VWA8: variants seen among roughly 807,000 people sequenced by gnomAD.
The protein encoded by VWA8 is von Willebrand factor A domain containing 8.
In VWA8, 221 loss-of-function variants were observed where a neutral mutation model predicts 241.5. The observed-to-expected ratio is 0.91, with a 90% confidence interval of 0.82 to 1.02. VWA8 has a LOEUF of 1.02. VWA8 is among the 50% of genes least tolerant of loss of function. The pLI is 0.00. For missense variants in VWA8, 2,322 were observed against 2,328.7 expected (o/e 1.00, Z 0.06); for synonymous variants, 852 against 827.1 (o/e 1.03, Z -0.52).
intron 12 of VWA8, chr13:41,865,266 AG>A (rs1226074873): frequency 1.1e-5 from 4 of 360,188 alleles, no homozygotes; most frequent in South Asian, 2.1e-5. Context: ...TTTAAAAATT[AG>A]GGTAATTAAG....
chr13:41,590,859 AT>A, intron 40 of VWA8, 94 bp from the exon 41 acceptor site: 1 of 1,499,266 alleles, frequency 6.7e-7, no homozygotes, highest in East Asian at 2.3e-5. Flanking sequence ...CACACCTGGG[AT>A]CTTTTCAGTA....
intron 26 of VWA8, among the ~76,000 whole-genome samples, chr13:41,706,291 T>C (rs917553075): frequency 8.5e-5 from 13 of 152,208 alleles, no homozygotes; most frequent in African/African-American, 2.7e-4. Flanking sequence ...GGCTGTTTGG[T>C]TGGCAGGGTA....
At chr13:41,926,901 G>A (rs1876872154) in intron 2 of VWA8, 2 of 573,544 alleles carry the variant, frequency 3.5e-6, no homozygotes, top group Admixed American at 1.9e-5. Context: ...TTGGACCACA[G>A]CCAGGCTCCT....
intron 32 of VWA8, among the ~76,000 whole-genome samples, chr13:41,690,870 A>G (rs1172691093): frequency 6.6e-6 from 1 of 152,074 alleles, no homozygotes; most frequent in East Asian, 1.9e-4. Context: ...GATAACATAA[A>G]CATAAACATA....
At position 41,778,046 on chromosome 13, in the gene VWA8, A is replaced by C; in HGVS notation, c.2288T>G (p.Val763Gly). The C allele has an allele frequency of 6.2e-7, 1 of 1,611,338 alleles. No individual in the cohort carries two copies. The change falls in exon 20 of 45, where the codon GTG becomes GGG. Residue 763 changes from valine to glycine, a missense_variant. Physicochemically the swap from Val to Gly is moderately radical, Grantham distance 109. Coordinates refer to ENST00000379310, the MANE Select transcript of VWA8 (RefSeq NM_015058.2). ...LFYDNIQHVI[V>G]MEDMLKDFLL... ...AAAGTCTTTCAGCATATCTTCCATCACTATCACATGCTAGAGAAAAAGGAA... is the reference window on the plus strand; with the variant it reads ...AAAGTCTTTCAGCATATCTTCCATCCCTATCACATGCTAGAGAAAAAGGAA...
intron 42 of VWA8, among the ~76,000 whole-genome samples, chr13:41,585,759 G>A (rs951514487): frequency 8.6e-5 from 13 of 151,652 alleles, no homozygotes; most frequent in Non-Finnish European, 1.8e-4. Context: ...AGCTACTCAG[G>A]AGGCTGAAGC....
rs77749330 is a variant in VWA8 at position 41,692,941 on chromosome 13, C to A, written c.3596G>T (p.Gly1199Val). The A allele has an allele frequency of 6.2e-7, 1 of 1,610,266 alleles. No individual in the cohort carries two copies. The highest frequency in any genetic ancestry group is 2.2e-5 in the East Asian group (1 of 44,722). ...SNVILLLDTT[G>V]RALHRLILPS... ...GAGGATGAGACGATGAAGGGCCCGG[C>A]CAGTAGTATCTAACAACAGGATAAC... The change falls in exon 30 of 45, where the codon GGC (glycine) becomes GTC (valine). Residue 1199 changes from glycine (G) to valine (V), a missense_variant. Gly to Val is a moderately radical substitution (Grantham distance 109). Transcript: ENST00000379310.
chr13:41,847,682 A>G (rs1872349836), intron 12 of VWA8, among the ~76,000 whole-genome samples: 1 of 152,204 alleles, frequency 6.6e-6, no homozygotes, highest in South Asian at 2.1e-4. Flanking sequence ...AAGTTTTTCA[A>G]AGATCCTTGA....
At chr13:41,576,692 A>T (rs2044352711) in intron 42 of VWA8, among the ~76,000 whole-genome samples, 1 of 152,218 alleles carries the variant, frequency 6.6e-6, no homozygotes, top group Non-Finnish European at 1.5e-5. Context: ...AATATGTAAA[A>T]GATATACATC....
intron 9 of VWA8, 35 bp from the exon 10 acceptor site, chr13:41,868,512 T>G (rs1420737094): frequency 6.3e-7 from 1 of 1,596,294 alleles, no homozygotes; most frequent in Non-Finnish European, 8.5e-7. Context: ...CAATTTACTT[T>G]TCATTTTAGC....
intron 42 of VWA8, among the ~76,000 whole-genome samples, chr13:41,579,337 C>T (rs1464714759): frequency 2.0e-5 from 3 of 152,126 alleles, no homozygotes; most frequent in Non-Finnish European, 4.4e-5. Context: ...AAGAGAAATG[C>T]CAGCGGAACC....
intron 43 of VWA8, among the ~76,000 whole-genome samples, chr13:41,571,801 G>A (rs897494961): frequency 2.6e-5 from 4 of 152,108 alleles, no homozygotes; most frequent in Non-Finnish European, 4.4e-5. Flanking sequence ...GTCTCTGCCT[G>A]GCCGCCCATC....
intron 1 of VWA8, among the ~76,000 whole-genome samples, chr13:41,959,507 A>C (rs1416366600): frequency 8.6e-5 from 13 of 150,902 alleles, no homozygotes. Flanking sequence ...AAAAAAAAAA[A>C]AAACAAAAAG....
intron 26 of VWA8, among the ~76,000 whole-genome samples, chr13:41,716,718 A>G (rs2137843317): frequency 6.6e-6 from 1 of 152,214 alleles, no homozygotes; most frequent in South Asian, 2.1e-4. Flanking sequence ...ATTAGAGAAC[A>G]TGAAAATTAA....
intron 14 of VWA8, among the ~76,000 whole-genome samples, chr13:41,822,719 C>G (rs73183398): frequency 0.014 from 2,123 of 152,152 alleles, 13 homozygotes; most frequent in East Asian, 0.02. Flanking sequence ...TCAAAACATA[C>G]AATAATAAAT....
chr13:41,719,569 A>T (rs768815603), intron 26 of VWA8, 22 bp downstream of exon 26: 8 of 1,611,600 alleles, frequency 5.0e-6, no homozygotes, highest in Non-Finnish European at 6.8e-6. Context: ...TAAGAATCAG[A>T]AGAGTACTGA....
intron 17 of VWA8, among the ~76,000 whole-genome samples, chr13:41,798,252 A>G (rs991998078): frequency 6.6e-6 from 1 of 152,208 alleles, no homozygotes; most frequent in African/African-American, 2.4e-5. Flanking sequence ...ATTTAAATTT[A>G]ACAATATATT....
chr13:41,802,971 G>C (rs1392837674), intron 17 of VWA8, among the ~76,000 whole-genome samples: 1 of 152,246 alleles, frequency 6.6e-6, no homozygotes, highest in Non-Finnish European at 1.5e-5. Context: ...TGGAGAGAGA[G>C]ATTCCATTTG....
chr13:41,946,121 T>A (rs948894786), intron 2 of VWA8, among the ~76,000 whole-genome samples: 1 of 149,018 alleles, frequency 6.7e-6, no homozygotes, highest in African/African-American at 2.5e-5. Context: ...ATATTCAAAG[T>A]GCTGAAAAAA....
Sources: allele counts gnomAD v4.1 joint callset (sites outside exome capture counted in the v4.1 genomes callset), GRCh38; gene constraint gnomAD v4.1.1; transcripts MANE v1.5; gene names NCBI Gene and HGNC (gene_info 2026-07-23, HGNC 2026-07-21).